The following ZEB1 variants were observed in gnomAD, a reference collection of about 807,000 sequenced individuals.
ZEB1 encodes zinc finger E-box-binding homeobox 1.
In ZEB1, 21 loss-of-function variants were observed where a neutral mutation model predicts 84.9. The ratio of observed to expected loss-of-function variants is 0.25; its 90% CI spans 0.18 to 0.36. The LOEUF is 0.36. Ranked by LOEUF, ZEB1 falls within the 10% of genes least tolerant of loss-of-function variation. The pLI, the probability that ZEB1 is intolerant of heterozygous loss-of-function variation, is 1.00. For synonymous variants in ZEB1, 420 were observed against 471.1 expected, an observed-to-expected ratio of 0.89 and a Z score of 1.41; for missense variants, 1,104 against 1,330.2, an observed-to-expected ratio of 0.83 and a Z score of 2.65.
At chr10:31,464,348 A>T (rs1199021730) in intron 2 of ZEB1, among the ~76,000 whole-genome samples, 1 of 152,038 alleles carries the variant, frequency 6.6e-6, no homozygotes, top group Non-Finnish European at 1.5e-5. Context: ...GTAAGACTCT[A>T]TCTCAGAAAA....
chr10:31,383,117 C>A (rs934996224), intron 1 of ZEB1, among the ~76,000 whole-genome samples: 5 of 151,412 alleles, frequency 3.3e-5, no homozygotes, highest in African/African-American at 4.9e-5. Context: ...AAATGCCCAG[C>A]TTAAAAACTA....
intron 2 of ZEB1, among the ~76,000 whole-genome samples, chr10:31,469,443 G>A (rs1028733061): frequency 3.9e-5 from 6 of 152,180 alleles, no homozygotes; most frequent in African/African-American, 1.4e-4. Context: ...GTCAAAGAAA[G>A]GGGTGACAGA....
At chr10:31,460,765 A>G (rs1459333520) in intron 1 of ZEB1, among the ~76,000 whole-genome samples, 1 of 152,150 alleles carries the variant, frequency 6.6e-6, no homozygotes, top group African/African-American at 2.4e-5. Flanking sequence ...TAAGGCTGTT[A>G]TAAGATTGTT....
In ZEB1 at chr10:31,329,378, C is replaced by G. The variant is rs368676951; in HGVS notation, c.58+10086C>G. On this transcript the variant is annotated intron_variant, in intron 1 of 8. Coordinates refer to ENST00000424869, the MANE Select transcript of ZEB1 (RefSeq NM_001174096.2). ...CCTTTTGTATTGCTGAGTAGTATTC[C>G]ATTGTATGAATGTTATATCACCAAA... 9.9e-5 allele frequency among the ~76,000 whole-genome samples: 15 copies of G among 152,196 alleles called. 1 individual carries two copies. The highest frequency in any genetic ancestry group is 6.5e-4 in the Admixed American group (10 of 15,290).
chr10:31,469,968 G>T (rs1366723514), intron 2 of ZEB1, among the ~76,000 whole-genome samples: 1 of 152,080 alleles, frequency 6.6e-6, no homozygotes, highest in Non-Finnish European at 1.5e-5. Context: ...CACCTCACAC[G>T]GCAGGGTACT....
At chr10:31,327,099 CTTTTTTTTTTTT>C (rs71527629) in intron 1 of ZEB1, among the ~76,000 whole-genome samples, 1 of 84,962 alleles carries the variant, frequency 1.2e-5, no homozygotes, top group African/African-American at 5.1e-5. Context: ...CTTTTCTTTT[CTTTTTTTTTTTT>C]TTTTTTTTTT....
intron 2 of ZEB1, among the ~76,000 whole-genome samples, chr10:31,469,123 C>T (rs1177498490): frequency 6.6e-6 from 1 of 152,130 alleles, no homozygotes; most frequent in Non-Finnish European, 1.5e-5. Context: ...AACTTCAAAA[C>T]ACTGTTGAAA....
chr10:31,504,850 G>A (rs934162876), intron 4 of ZEB1, among the ~76,000 whole-genome samples: 13 of 152,150 alleles, frequency 8.5e-5, no homozygotes, highest in African/African-American at 3.1e-4. Context: ...TTTTTTGGTT[G>A]TGTCTTTAGG....
chr10:31,448,793 G>A (rs550007283), intron 1 of ZEB1, among the ~76,000 whole-genome samples: 1 of 152,108 alleles, frequency 6.6e-6, no homozygotes, highest in Non-Finnish European at 1.5e-5. Flanking sequence ...GCTGCGTACT[G>A]GGAGAACCAC....
chr10:31,445,552 C>T (rs1369174675), intron 1 of ZEB1, among the ~76,000 whole-genome samples: 2 of 152,084 alleles, frequency 1.3e-5, no homozygotes, highest in East Asian at 1.9e-4. Context: ...GGCTGTGGGT[C>T]TGTCATAGAT....
intron 1 of ZEB1, among the ~76,000 whole-genome samples, chr10:31,453,864 A>T (rs1171584691): frequency 2.0e-5 from 3 of 152,222 alleles, no homozygotes; most frequent in African/African-American, 7.2e-5. Flanking sequence ...TTCTGAAACT[A>T]TTCCAAATAA....
chr10:31,430,989 A>G (rs577116524), intron 1 of ZEB1, among the ~76,000 whole-genome samples: 13 of 152,358 alleles, frequency 8.5e-5, no homozygotes, highest in African/African-American at 2.6e-4. Context: ...TAAGGCCCAA[A>G]TCAGTACTGC....
intron 2 of ZEB1, among the ~76,000 whole-genome samples, chr10:31,479,824 A>G (rs1285709205): frequency 2.0e-5 from 3 of 151,980 alleles, no homozygotes; most frequent in Non-Finnish European, 4.4e-5. Flanking sequence ...ATATTAAACT[A>G]GGACATGTTT....
rs749689315 is a variant in ZEB1, at chr10:31,363,691, G to A, written c.58+44399G>A. The stretch of plus-strand genomic sequence containing the variant: ...GCCTCTGAGACAAGGGATCCTTACG[G>A]GGCTGAGGTGTCCAAACATTATGGA... On this transcript the variant is annotated intron_variant, in intron 1 of 8. Transcript: ENST00000424869. The A allele has an allele frequency of 4.8e-6, 6 of 1,251,662 alleles. No homozygotes were observed. The African/African-American group carries it at 7.4e-5, about 15-fold the overall frequency. 77.5% of individuals were successfully genotyped at this position (1,251,662 alleles called of 1,614,324 possible). A position where few individuals can be genotyped will look rare whatever the true frequency, so the allele number is the denominator to read the frequency against.
At chr10:31,327,387 A>G (rs535936390) in intron 1 of ZEB1, among the ~76,000 whole-genome samples, 35 of 152,180 alleles carry the variant, frequency 2.3e-4, no homozygotes, top group African/African-American at 7.9e-4. Context: ...CTGGGATTAC[A>G]GGTGTGAGCC....
chr10:31,524,147 G>A, intron 8 of ZEB1, 34 bp downstream of exon 8: 1 of 1,581,836 alleles, frequency 6.3e-7, no homozygotes, highest in Admixed American at 1.7e-5. Flanking sequence ...AAGTGTCCAT[G>A]ATATGATATA....
chr10:31,363,090 G>A lies in ZEB1; in HGVS notation c.58+43798G>A, dbSNP rs1451244704. 1.3e-5 allele frequency: 20 copies of A among 1,534,010 alleles called. No homozygotes were observed. In the South Asian group the frequency reaches 2.3e-4, roughly 17 times the overall value. ...CCGACAGTTTTCTTTTGTGGGACCT[G>A]TGGCCGGCAGCTCTGGGTGGAGAAG... On this transcript the variant is annotated intron_variant, in intron 1 of 8. Transcript: ENST00000424869.
At chr10:31,343,625 T>A (rs1248758452) in intron 1 of ZEB1, among the ~76,000 whole-genome samples, 1 of 152,084 alleles carries the variant, frequency 6.6e-6, no homozygotes, top group Non-Finnish European at 1.5e-5. Context: ...CTTAGGAAAT[T>A]CAGAGTTAAT....
At chr10:31,424,380 A>T (rs1057127977) in intron 1 of ZEB1, among the ~76,000 whole-genome samples, 1 of 151,986 alleles carries the variant, frequency 6.6e-6, no homozygotes, top group African/African-American at 2.4e-5. Flanking sequence ...ACTGGGGATG[A>T]TATTTTATTT....
Sources: gnomAD v4.1 joint callset for allele counts (sites outside exome capture counted in the v4.1 genomes callset) on GRCh38, gnomAD v4.1.1 for gene constraint, MANE v1.5 for transcripts, NCBI Gene and HGNC (gene_info 2026-07-23, HGNC 2026-07-21) for gene names.